The following ATP10B variants were observed in gnomAD, a reference collection of about 807,000 sequenced individuals.
The protein encoded by ATP10B is ATPase phospholipid transporting 10B (putative), also known as phospholipid-transporting ATPase VB.
Under a neutral mutation model 141.2 loss-of-function variants are expected in ATP10B, and 122 were observed. The observed-to-expected ratio is 0.86, with a 90% CI of 0.75 to 1.00. The LOEUF (loss-of-function observed/expected upper bound fraction) is 1.00. Among genes scored for constraint, ATP10B ranks in the 50% least tolerant of loss-of-function variants. ATP10B has a pLI of 0.00. For missense variants in ATP10B, 1,876 were observed against 1,825.3 expected (o/e 1.03, Z -0.51); for synonymous variants, 685 against 692.0 (o/e 0.99, Z 0.16).
At chr5:160,769,155 G>A (rs1215671937) in intron 2 of ATP10B, among the ~76,000 whole-genome samples, 1 of 148,272 alleles carries the variant, frequency 6.7e-6, no homozygotes, top group Non-Finnish European at 1.5e-5. Flanking sequence ...ACAGAGGAGG[G>A]TAGTGATTTT....
At chr5:160,594,801 C>T (rs1377489940) in intron 22 of ATP10B, among the ~76,000 whole-genome samples, 2 of 152,112 alleles carry the variant, frequency 1.3e-5, no homozygotes, top group Admixed American at 1.3e-4. Context: ...AAGGCCATTA[C>T]ATAATGGTAA....
At chr5:160,818,031 A>T (rs1398287276) in intron 1 of ATP10B, among the ~76,000 whole-genome samples, 1 of 152,242 alleles carries the variant, frequency 6.6e-6, no homozygotes, top group Non-Finnish European at 1.5e-5. Flanking sequence ...TGTTAGACTT[A>T]AAACCATAAA....
intron 6 of ATP10B, among the ~76,000 whole-genome samples, chr5:160,671,914 C>CCTCAAAA (rs1762731047): frequency 1.3e-5 from 2 of 151,162 alleles, no homozygotes; most frequent in Non-Finnish European, 2.9e-5. Flanking sequence ...CTCCCTGCAG[C>CCTCAAAA]CTCAGCCTTC....
At chr5:160,747,457 T>A (rs1472850427) in intron 2 of ATP10B, among the ~76,000 whole-genome samples, 6 of 152,244 alleles carry the variant, frequency 3.9e-5, no homozygotes, top group Non-Finnish European at 7.3e-5. Context: ...ACTTTGCAGA[T>A]GTAGTCAAAT....
chr5:160,812,837 G>GT (rs946490186), intron 1 of ATP10B, among the ~76,000 whole-genome samples: 7 of 151,516 alleles, frequency 4.6e-5, no homozygotes, highest in East Asian at 1.9e-4. Context: ...CGTGTAGATA[G>GT]TTTTTTCAAA....
At chr5:160,733,682 TAC>T (rs1554109371) in intron 2 of ATP10B, among the ~76,000 whole-genome samples, 9 of 6,916 alleles carry the variant, frequency 1.3e-3, no homozygotes, top group African/African-American at 6.0e-3. Flanking sequence ...TATATATATA[TAC>T]ACACACACAT....
chr5:160,669,459 C>T (rs529724783), intron 7 of ATP10B, among the ~76,000 whole-genome samples: 252 of 152,242 alleles, frequency 1.7e-3, no homozygotes, highest in African/African-American at 5.9e-3. Context: ...CCATCTCAGT[C>T]AGACCCCAGA....
intron 2 of ATP10B, among the ~76,000 whole-genome samples, chr5:160,726,223 C>T (rs972014225): frequency 6.6e-5 from 10 of 152,278 alleles, no homozygotes; most frequent in African/African-American, 2.4e-4. Flanking sequence ...TTATTGTTTG[C>T]TCACACCAGG....
intron 13 of ATP10B, among the ~76,000 whole-genome samples, chr5:160,625,139 A>G (rs1287412181): frequency 6.6e-6 from 1 of 152,186 alleles, no homozygotes; most frequent in Non-Finnish European, 1.5e-5. Context: ...AAGGAAGTTG[A>G]TTGTCTTGCC....
At chr5:160,906,386 A>G in the ATP10B span, among the ~76,000 whole-genome samples, 387 of 152,198 alleles carry the variant, frequency 2.5e-3, 1 homozygote, top group African/African-American at 9.1e-3. Context: ...CTCCTGGGCC[A>G]AAAAGGGGTT....
upstream of ATP10B, among the ~76,000 whole-genome samples, chr5:160,856,340 T>G (rs1753998718): frequency 6.6e-6 from 1 of 151,820 alleles, no homozygotes; most frequent in South Asian, 2.1e-4. Context: ...TAGAATAAAT[T>G]TCTGTATGTT....
chr5:160,660,548 C>T (rs961279679), intron 7 of ATP10B, among the ~76,000 whole-genome samples: 6 of 152,152 alleles, frequency 3.9e-5, no homozygotes, highest in South Asian at 2.1e-4. Flanking sequence ...CAAAAACATC[C>T]GTTTTCTCTA....
chr5:160,652,667 A>T (rs1451220519), intron 7 of ATP10B, among the ~76,000 whole-genome samples: 1 of 133,362 alleles, frequency 7.5e-6, no homozygotes, highest in East Asian at 2.1e-4. Flanking sequence ...TATATATTAT[A>T]TATACATATA....
intron 1 of ATP10B, among the ~76,000 whole-genome samples, chr5:160,820,412 A>G (rs1442555898): frequency 6.6e-6 from 1 of 151,658 alleles, no homozygotes; most frequent in Non-Finnish European, 1.5e-5. Flanking sequence ...AGAAAAAAAC[A>G]AAAAAAAGCC....
chr5:160,924,391 T>C, the ATP10B span, among the ~76,000 whole-genome samples: 4,526 of 152,302 alleles, frequency 0.03, 84 homozygotes, highest in South Asian at 0.069. Context: ...AATACTGGAA[T>C]CTACTTTAGA....
At chr5:160,881,442 A>G in the ATP10B span, among the ~76,000 whole-genome samples, 2 of 152,240 alleles carry the variant, frequency 1.3e-5, no homozygotes, top group Non-Finnish European at 2.9e-5. Flanking sequence ...GCTTCTTGGT[A>G]TTTATCCAAA....
chr5:160,688,950 C>G lies in ATP10B; in HGVS notation c.-204-7G>C. 1 of 985,324 alleles carries G rather than the reference C, an allele frequency of 1.0e-6. No individual in the cohort carries two copies. The highest frequency in any genetic ancestry group is 1.2e-6 in the Non-Finnish European group (1 of 829,886). 61.0% of individuals were successfully genotyped at this position (985,324 alleles called of 1,614,324 possible). On this transcript the variant is annotated splice_polypyrimidine_tract_variant and splice_region_variant and intron_variant, in intron 3 of 25. Transcript: ENST00000327245. ...CCACTCCATTTGGTGGTTTCTGAAA[C>G]CAAGTACTTGATTAAGCAGATGGTC...
chr5:160,756,630 G>A (rs189951352), intron 2 of ATP10B, among the ~76,000 whole-genome samples: 122 of 152,030 alleles, frequency 8.0e-4, no homozygotes, highest in African/African-American at 2.4e-3. Flanking sequence ...ACAATGTTGC[G>A]CTTTTCATGT....
At chr5:160,683,619 CG>C (rs757906270) in intron 6 of ATP10B, among the ~76,000 whole-genome samples, 1 of 152,318 alleles carries the variant, frequency 6.6e-6, no homozygotes, top group Non-Finnish European at 1.5e-5. Context: ...AGAGCCAGTG[CG>C]GAATGTCTGC....
Sources: gnomAD v4.1 joint callset for allele counts (sites outside exome capture counted in the v4.1 genomes callset) on GRCh38, gnomAD v4.1.1 for gene constraint, MANE v1.5 for transcripts, NCBI Gene and HGNC (gene_info 2026-07-23, HGNC 2026-07-21) for gene names.